The following RBFOX1 variants were observed in gnomAD, a reference collection of about 807,000 sequenced individuals.
RBFOX1 encodes RNA binding protein fox-1 homolog 1.
RBFOX1 carries 8 observed loss-of-function variants against 57.7 expected under a neutral mutation model. The observed-to-expected ratio is 0.14, with a 90% CI of 0.08 to 0.25. The LOEUF (loss-of-function observed/expected upper bound fraction) is 0.25. RBFOX1 is among the 10% of genes least tolerant of loss of function. The pLI, the probability that RBFOX1 is intolerant of heterozygous loss-of-function variation, is 1.00. For missense variants in RBFOX1, 611 were observed against 548.5 expected (o/e 1.11, Z -1.14); for synonymous variants, 326 against 222.4 (o/e 1.47, Z -4.15).
At chr16:7,266,364 C>G (rs1232298348) in intron 4 of RBFOX1, among the ~76,000 whole-genome samples, 2 of 152,192 alleles carry the variant, frequency 1.3e-5, no homozygotes, top group African/African-American at 2.4e-5. Context: ...TGCTTCTGCT[C>G]TTTCCTCACT....
At position 7,486,787 on chromosome 16, in the gene RBFOX1, C is replaced by T. The variant is rs549984045; in HGVS notation, c.28-31360C>T. Among the ~76,000 whole-genome samples, 13 of 152,300 alleles carry T rather than the reference C, an allele frequency of 8.5e-5. No homozygotes were observed. In the South Asian group the frequency reaches 2.7e-3, roughly 32 times the overall value. On this transcript the variant is annotated intron_variant, in intron 4 of 15. Coordinates refer to ENST00000550418, the MANE Select transcript of RBFOX1 (RefSeq NM_018723.4). ...GGCCGTTACTAGGAGACAAGCTATG[C>T]AATAGTCAGGGTTCCAACATTGCCT...
At chr16:6,816,796 CT>C (rs1487680911) in intron 3 of RBFOX1, among the ~76,000 whole-genome samples, 1 of 151,842 alleles carries the variant, frequency 6.6e-6, no homozygotes, top group Non-Finnish European at 1.5e-5. Context: ...CCAGGTTGGA[CT>C]GCAGTGATGC....
chr16:5,680,677 C>G (rs2050305271), intron 3 of RBFOX1, among the ~76,000 whole-genome samples: 1 of 152,164 alleles, frequency 6.6e-6, no homozygotes, highest in South Asian at 2.1e-4. Flanking sequence ...AGTCTGAGGT[C>G]TTAACCTTGG....
intron 3 of RBFOX1, among the ~76,000 whole-genome samples, chr16:6,747,753 CAA>C (rs2074059115): frequency 6.6e-6 from 1 of 152,102 alleles, no homozygotes. Context: ...GCAACTTGTG[CAA>C]AGAGATTCCT....
intron 2 of RBFOX1, among the ~76,000 whole-genome samples, chr16:6,328,195 G>T (rs549785244): frequency 6.6e-6 from 1 of 152,076 alleles, no homozygotes; most frequent in Non-Finnish European, 1.5e-5. Context: ...ACAAAATATC[G>T]TATGTTCTGA....
chr16:6,393,184 C>T (rs541998071), intron 2 of RBFOX1, among the ~76,000 whole-genome samples: 1 of 152,184 alleles, frequency 6.6e-6, no homozygotes, highest in Non-Finnish European at 1.5e-5. Flanking sequence ...TTTTACCCCT[C>T]CATCTGTAGA....
At chr16:5,380,547 G>C (rs981602532) in intron 1 of RBFOX1, among the ~76,000 whole-genome samples, 1 of 152,178 alleles carries the variant, frequency 6.6e-6, no homozygotes, top group South Asian at 2.1e-4. Flanking sequence ...GCTGCGAATA[G>C]GACTTACCTT....
At chr16:6,785,304 G>T (rs6500833) in intron 3 of RBFOX1, among the ~76,000 whole-genome samples, 1 of 152,138 alleles carries the variant, frequency 6.6e-6, no homozygotes, top group South Asian at 2.1e-4. Context: ...TGGGCCATAA[G>T]CCATCTCATT....
At chr16:6,234,175 G>T (rs1266141958) in intron 1 of RBFOX1, among the ~76,000 whole-genome samples, 1 of 152,176 alleles carries the variant, frequency 6.6e-6, no homozygotes, top group Non-Finnish European at 1.5e-5. Context: ...CATCACAGTG[G>T]CATTAAGTCT....
intron 3 of RBFOX1, among the ~76,000 whole-genome samples, chr16:6,656,321 T>C (rs557206310): frequency 1.3e-5 from 2 of 152,298 alleles, no homozygotes; most frequent in African/African-American, 4.8e-5. Context: ...AAAAATTTAA[T>C]TGCCAATAGT....
chr16:6,171,656 C>G (rs2096961522), intron 1 of RBFOX1, among the ~76,000 whole-genome samples: 1 of 152,012 alleles, frequency 6.6e-6, no homozygotes, highest in African/African-American at 2.4e-5. Context: ...ATTTTAGGTC[C>G]CAGCCTGGCC....
intron 4 of RBFOX1, among the ~76,000 whole-genome samples, chr16:7,103,590 A>C (rs1027579556): frequency 1.1e-4 from 17 of 152,190 alleles, no homozygotes; most frequent in African/African-American, 4.1e-4. Context: ...AAGATGCTAA[A>C]AGTGATTAGT....
chr16:7,515,769 G>C (rs887518818), intron 4 of RBFOX1, among the ~76,000 whole-genome samples: 1 of 152,124 alleles, frequency 6.6e-6, no homozygotes, highest in Admixed American at 6.6e-5. Context: ...CTGTTCCTCA[G>C]TTTCTTCTCT....
intron 3 of RBFOX1, among the ~76,000 whole-genome samples, chr16:5,633,456 G>A (rs187871951): frequency 6.6e-6 from 1 of 152,272 alleles, no homozygotes; most frequent in East Asian, 1.9e-4. Flanking sequence ...CTGGAGCAAC[G>A]ACTCTCTACC....
intron 4 of RBFOX1, among the ~76,000 whole-genome samples, chr16:7,170,650 G>A (rs530667531): frequency 6.6e-6 from 1 of 152,088 alleles, no homozygotes; most frequent in Non-Finnish European, 1.5e-5. Context: ...GTATCTTTTA[G>A]CCCTAAGCTG....
chr16:7,265,786 A>AG (rs1181439930), intron 4 of RBFOX1, among the ~76,000 whole-genome samples: 6 of 151,804 alleles, frequency 4.0e-5, no homozygotes, highest in African/African-American at 1.5e-4. Flanking sequence ...TCCCATCAGG[A>AG]GGGATTACCT....
chr16:6,972,866 G>T (rs1028788005), intron 3 of RBFOX1, among the ~76,000 whole-genome samples: 2 of 152,176 alleles, frequency 1.3e-5, no homozygotes, highest in Non-Finnish European at 2.9e-5. Context: ...GTTCATGCCT[G>T]TTATCACAAC....
chr16:6,965,237 C>T lies in RBFOX1; in HGVS notation c.-15-86820C>T, dbSNP rs555071965. ...ATGAAAAGGAAAGCATTGCTTTGCA[C>T]TCATTTGGGTGTAAAAAATGGAGAA... On this transcript the variant is annotated intron_variant, in intron 3 of 15. Transcript: ENST00000550418. 1.7e-4 allele frequency among the ~76,000 whole-genome samples: 26 copies of T among 152,160 alleles called. 1 individual carries two copies. The South Asian group carries it at 5.4e-3, about 32-fold the overall frequency.
At chr16:5,793,723 G>A (rs2151737215) in intron 3 of RBFOX1, among the ~76,000 whole-genome samples, 1 of 152,334 alleles carries the variant, frequency 6.6e-6, no homozygotes, top group African/African-American at 2.4e-5. Flanking sequence ...GAGGGAGCCT[G>A]GATCTATGTA....
Sources: gnomAD v4.1 joint callset for allele counts (sites outside exome capture counted in the v4.1 genomes callset) on GRCh38, gnomAD v4.1.1 for gene constraint, MANE v1.5 for transcripts, NCBI Gene and HGNC (gene_info 2026-07-23, HGNC 2026-07-21) for gene names.